UBE2V2: variants seen among roughly 807,000 people sequenced by gnomAD.
UBE2V2 encodes ubiquitin-conjugating enzyme E2 variant 2.
A neutral mutation model predicts 17.2 loss-of-function variants in UBE2V2; 9 were observed. That is an observed-to-expected ratio of 0.52 (90% CI 0.32 to 0.91). The LOEUF (loss-of-function observed/expected upper bound fraction) is 0.91, where lower values mean the gene tolerates loss of function less well. Among genes scored for constraint, UBE2V2 ranks in the 40% least tolerant of loss-of-function variants. The probability of loss-of-function intolerance (pLI) is 0.04; values close to 1 mark genes in which losing one functional copy is unlikely to be tolerated. For synonymous variants in UBE2V2, 61 were observed against 57.5 expected (o/e 1.06, Z -0.28); for missense variants, 133 against 182.6 (o/e 0.73, Z 1.56).
At chr8:48,052,396 A>G (rs2091544544) in intron 3 of UBE2V2, among the ~76,000 whole-genome samples, 1 of 152,188 alleles carries the variant, frequency 6.6e-6, no homozygotes, top group Non-Finnish European at 1.5e-5. Flanking sequence ...TAGGAAATTT[A>G]GATTAAATTT....
At chr8:48,016,866 AACCTCC>A (rs1419996359) in intron 1 of UBE2V2, among the ~76,000 whole-genome samples, 1 of 146,970 alleles carries the variant, frequency 6.8e-6, no homozygotes, top group African/African-American at 2.5e-5. Context: ...AGTTGACTGC[AACCTCC>A]ACCTCCAGGT....
intron 1 of UBE2V2, among the ~76,000 whole-genome samples, chr8:48,014,703 A>G (rs2091256538): frequency 6.6e-6 from 1 of 151,048 alleles, no homozygotes; most frequent in African/African-American, 2.4e-5. Flanking sequence ...AATATTTAGT[A>G]TGTCATAATT....
intron 1 of UBE2V2, among the ~76,000 whole-genome samples, chr8:48,010,172 G>T (rs563973484): frequency 4.2e-4 from 63 of 151,730 alleles, no homozygotes; most frequent in Middle Eastern, 3.4e-3. Context: ...TAGTTGTTTT[G>T]GAAGTTGAAT....
intron 3 of UBE2V2, among the ~76,000 whole-genome samples, chr8:48,057,859 C>T (rs1011101766): frequency 6.6e-6 from 1 of 152,060 alleles, no homozygotes. Flanking sequence ...TGTTTATTAG[C>T]TCTAATAATT....
At chr8:48,032,775 G>A (rs2091392744) in intron 1 of UBE2V2, among the ~76,000 whole-genome samples, 1 of 152,012 alleles carries the variant, frequency 6.6e-6, no homozygotes, top group Non-Finnish European at 1.5e-5. Flanking sequence ...CATATGCTTT[G>A]ATGTCAATAA....
intron 3 of UBE2V2, among the ~76,000 whole-genome samples, chr8:48,051,351 A>C (rs929446434): frequency 1.3e-5 from 2 of 152,178 alleles, no homozygotes; most frequent in Non-Finnish European, 2.9e-5. Context: ...TAAAATGAGT[A>C]TCATCCATCT....
chr8:48,028,718 T>G (rs1407679813), intron 1 of UBE2V2, among the ~76,000 whole-genome samples: 1 of 152,124 alleles, frequency 6.6e-6, no homozygotes, highest in Non-Finnish European at 1.5e-5. Context: ...ACTCCTGACC[T>G]CAAGTGATCT....
chr8:48,008,237 T>G (rs2154506501), upstream of UBE2V2, among the ~76,000 whole-genome samples: 1 of 152,248 alleles, frequency 6.6e-6, no homozygotes, highest in South Asian at 2.1e-4. Flanking sequence ...GAACTTATTC[T>G]TTAGCGTTTC....
At chr8:48,057,627 T>C (rs981836288) in intron 3 of UBE2V2, among the ~76,000 whole-genome samples, 5 of 152,010 alleles carry the variant, frequency 3.3e-5, no homozygotes, top group African/African-American at 4.8e-5. Flanking sequence ...ATTTAATTTT[T>C]TTTTTCTCTT....
At chr8:48,003,123 T>A in the UBE2V2 span, among the ~76,000 whole-genome samples, 4 of 150,524 alleles carry the variant, frequency 2.7e-5, no homozygotes, top group Admixed American at 6.7e-5. Context: ...GGCAGGAGAA[T>A]CGCTTGAACT....
upstream of UBE2V2, among the ~76,000 whole-genome samples, chr8:48,008,213 C>G (rs1463116392): frequency 6.6e-6 from 1 of 152,194 alleles, no homozygotes; most frequent in African/African-American, 2.4e-5. Flanking sequence ...TGAGCCACCG[C>G]GCCCGGCCCT....
chr8:48,049,247 A>G (rs929851664), intron 2 of UBE2V2, among the ~76,000 whole-genome samples: 1 of 152,182 alleles, frequency 6.6e-6, no homozygotes, highest in Admixed American at 6.5e-5. Context: ...TAAAATAATT[A>G]TGTTTTATTG....
intron 1 of UBE2V2, among the ~76,000 whole-genome samples, chr8:48,016,982 C>T (rs1476276151): frequency 6.6e-6 from 1 of 151,358 alleles, no homozygotes; most frequent in African/African-American, 2.4e-5. Flanking sequence ...GACATGATTT[C>T]ACCATGTTGG....
chr8:48,043,472 C>T (rs986702823), intron 2 of UBE2V2: 5 of 200,696 alleles, frequency 2.5e-5, no homozygotes, highest in Admixed American at 5.9e-5. Context: ...AAGTTCACTA[C>T]GGGACTTTAG....
At chr8:48,010,702 T>G (rs1000350872) in intron 1 of UBE2V2, among the ~76,000 whole-genome samples, 43 of 147,062 alleles carry the variant, frequency 2.9e-4, no homozygotes, top group African/African-American at 5.8e-4. Context: ...TTGTTTGTTT[T>G]TTTTTTTTTT....
chr8:48,024,738 TAG>T (rs898303833), intron 1 of UBE2V2, among the ~76,000 whole-genome samples: 2 of 152,178 alleles, frequency 1.3e-5, no homozygotes, highest in African/African-American at 4.8e-5. Context: ...AAATACTTGA[TAG>T]AGTCTAAAGG....
At chr8:48,031,173 C>T (rs1188916650) in intron 1 of UBE2V2, among the ~76,000 whole-genome samples, 1 of 151,642 alleles carries the variant, frequency 6.6e-6, no homozygotes, top group Non-Finnish European at 1.5e-5. Context: ...GGTGCCACTG[C>T]ACTCCAGCCT....
chr8:48,037,415 G>C lies in UBE2V2; in HGVS notation c.17-5618G>C, dbSNP rs139243876. ...GGTTGCCTTCCTGTACTAGGCTCTTGTGTGTTGGTCATTGAGATATATTGG... is the reference window on the plus strand; with the variant it reads ...GGTTGCCTTCCTGTACTAGGCTCTTCTGTGTTGGTCATTGAGATATATTGG... On this transcript the variant is annotated intron_variant, in intron 1 of 3. Coordinates refer to ENST00000523111, the MANE Select transcript of UBE2V2 (RefSeq NM_003350.3). Among the ~76,000 whole-genome samples, 27 of 152,350 alleles carry C rather than the reference G, an allele frequency of 1.8e-4. No individual in the cohort carries two copies. In the East Asian group the frequency reaches 5.2e-3, roughly 29 times the overall value.
rs1382742664 is a variant in UBE2V2 at position 48,063,976 on chromosome 8, T to C, written c.*3148T>C. ...GCTGGGAATTATGAATGCTTTTTTC[T>C]TAATAGGTTTGGTGTGTGTGGCTTT... is the stretch of plus-strand genomic sequence containing the variant. On this transcript the variant is annotated 3_prime_UTR_variant, in exon 4 of 4. Transcript: ENST00000523111. 2.6e-5 allele frequency: 4 copies of C among 152,202 alleles called. No individual in the cohort carries two copies. Among genetic ancestry groups the C allele is most frequent in the Non-Finnish European group, 4.4e-5 (3 of 68,026 alleles). The allele number at this position is 152,202 out of a possible 1,614,324, so 9.4% of individuals were successfully genotyped here.
Sources: gnomAD v4.1 joint callset for allele counts (sites outside exome capture counted in the v4.1 genomes callset) on GRCh38, gnomAD v4.1.1 for gene constraint, MANE v1.5 for transcripts, NCBI Gene and HGNC (gene_info 2026-07-23, HGNC 2026-07-21) for gene names.